The following LTK variants were observed in gnomAD, a reference collection of about 807,000 sequenced individuals.
LTK encodes leukocyte tyrosine kinase receptor.
A neutral mutation model predicts 101.5 loss-of-function variants in LTK; 117 were observed. That is an observed-to-expected ratio of 1.15 (90% CI 0.99 to 1.34). LTK has a LOEUF of 1.34. Ranked by LOEUF, LTK falls within the 40% of genes most tolerant of loss-of-function variation. The pLI, the probability that LTK is intolerant of heterozygous loss-of-function variation, is 0.00. For missense variants in LTK, 1,252 were observed against 1,164.7 expected, an observed-to-expected ratio of 1.07 and a Z score of -1.09; for synonymous variants, 563 against 494.2, an observed-to-expected ratio of 1.14 and a Z score of -1.85.
At chr15:41,513,301 G>A (rs1403889680) in intron 1 of LTK, among the ~76,000 whole-genome samples, 181 bp from the exon 2 acceptor site, 1 of 152,162 alleles carries the variant, frequency 6.6e-6, no homozygotes, top group Non-Finnish European at 1.5e-5. Flanking sequence ...GCGGGTGCGC[G>A]CTGATAGGTC....
At chr15:41,513,187 G>C in intron 1 of LTK, 67 bp from the exon 2 acceptor site, 199 of 1,467,330 alleles carry the variant, frequency 1.4e-4, no homozygotes, top group Non-Finnish European at 1.7e-4. Context: ...AAGAAAGAGA[G>C]AACCCCGCAA....
At chr15:41,510,929 G>A (rs774657916) in intron 7 of LTK, among the ~76,000 whole-genome samples, 1 of 152,218 alleles carries the variant, frequency 6.6e-6, no homozygotes, top group African/African-American at 2.4e-5. Flanking sequence ...GCAGGGACCT[G>A]CTGTGATGGG....
chr15:41,512,623 G>A (rs1292835090), intron 3 of LTK, 84 bp downstream of exon 3: 3 of 1,413,616 alleles, frequency 2.1e-6, no homozygotes, highest in Non-Finnish European at 2.8e-6. Context: ...GACGCAAGTC[G>A]GTGCGCACGT....
chr15:41,513,267 C>T (rs760808686), intron 1 of LTK, 147 bp from the exon 2 acceptor site: 108 of 1,009,562 alleles, frequency 1.1e-4, no homozygotes, highest in Non-Finnish European at 1.4e-4. Context: ...GAAGCCACTA[C>T]CCGACTCCGG....
chr15:41,508,103 G>A lies in LTK; in HGVS notation c.1215C>T (p.Gly405=). 6.2e-7 allele frequency: 1 copy of A among 1,612,578 alleles called. No individual in the cohort carries two copies. Among genetic ancestry groups the A allele is most frequent in the Admixed American group, 1.7e-5 (1 of 59,870 alleles). Residue 405 remains glycine, a synonymous_variant, in exon 9 of 20, where the codon GGC becomes GGT. Transcript: ENST00000263800. ...TGACGTTATCCACAGCTAGCTCCAT[G>A]CCTTCTGGGCACAGGCATTCAGCCA... ...LQLAECLCPE[G]MELAVDNVTC...
chr15:41,507,953 C>T, intron 9 of LTK, 116 bp downstream of exon 9: 1 of 1,131,818 alleles, frequency 8.8e-7, no homozygotes, highest in Non-Finnish European at 1.2e-6. Flanking sequence ...CCCTGCCCAG[C>T]ACCCACCACA....
At position 41,504,976 on chromosome 15, in the gene LTK, A is replaced by G. The variant is rs1456003164; in HGVS notation, c.2014T>C (p.Tyr672His). 9 of 1,610,592 alleles carry G rather than the reference A, an allele frequency of 5.6e-6. No individual in the cohort carries two copies. The highest frequency in any genetic ancestry group is 1.7e-5 in the Admixed American group (1 of 59,592). Residue 672 changes from tyrosine (Y) to histidine (H), a missense_variant, in exon 16 of 20, where the codon TAC (tyrosine) becomes CAC (histidine). Transcript: ENST00000263800. ...IGDFGMARDIYRASYYRRGDR... is the reference protein window; with the variant it reads ...IGDFGMARDIHRASYYRRGDR... ...CCCACCTCCCAAGTCCCGCACCGGT[A>G]GATATCTCGTGCCATCCCAAAGTCC...
chr15:41,513,234 G>A, intron 1 of LTK, 114 bp from the exon 2 acceptor site: 3 of 1,243,994 alleles, frequency 2.4e-6, no homozygotes, highest in Admixed American at 3.4e-5. Flanking sequence ...CCCGTCACCC[G>A]GCCCAGCCGC....
In LTK at chr15:41,504,199, T is replaced by C. The variant is rs2051169083; in HGVS notation, c.2392A>G (p.Thr798Ala). The C allele has an allele frequency of 6.2e-7, 1 of 1,612,256 alleles. No individual in the cohort carries two copies. Among genetic ancestry groups the C allele is most frequent in the South Asian group, 1.1e-5 (1 of 90,998 alleles). Reference protein sequence around the residue: ...NSLLPMELGPTPEEEGTSGLG... With the variant: ...NSLLPMELGPAPEEEGTSGLG... ...CCAGAAGTCCCTTCCTCCTCTGGGG[T>C]GGGCCCCAGCTCCATTGGCAGGAGT... The change falls in exon 20 of 20, where the codon ACC becomes GCC. Residue 798 changes from threonine to alanine, a missense_variant. Transcript: ENST00000263800.
In LTK at chr15:41,507,622, C is replaced by A; in HGVS notation, c.1285G>T (p.Val429Leu). ...AGTGTTGAGGTTGCCACCACAGCCA[C>A]CATCAGAACCAGAGGGCCTGGGGGC... ...HKPPGPLVLM[V>L]AVVATSTLSL... The change falls in exon 10 of 20, where the codon GTG (valine) becomes TTG (leucine). Residue 429 changes from valine to leucine, a missense_variant. Transcript: ENST00000263800. 1 of 1,613,938 alleles carries A rather than the reference C, an allele frequency of 6.2e-7. No homozygotes were observed. The highest frequency in any genetic ancestry group is 8.5e-7 in the Non-Finnish European group (1 of 1,179,970).
Position 41,504,971 on chromosome 15 carries a change from CCGGTAGATATCT to C in LTK, c.2007_2018del (p.Asp670_Arg673del), listed in dbSNP as rs2051211655. 6.2e-7 allele frequency: 1 copy of C among 1,609,280 alleles called. No individual in the cohort carries two copies. Among genetic ancestry groups the C allele is most frequent in the African/African-American group, 1.3e-5 (1 of 74,758 alleles). On this transcript the variant is annotated inframe_deletion and splice_region_variant, in exon 16 of 20. Coordinates refer to ENST00000263800, the MANE Select transcript of LTK (RefSeq NM_002344.6). Reference sequence around the variant, plus strand: ...GCCTTCCCACCTCCCAAGTCCCGCACCGGTAGATATCTCGTGCCATCCCAAAGTCCCCAATCT... The same window carrying C: ...GCCTTCCCACCTCCCAAGTCCCGCACCGTGCCATCCCAAAGTCCCCAATCT...
rs542940768 is a variant in LTK, at chr15:41,513,021, G to A, written c.143C>T (p.Ala48Val). ...SPSPRDPKVS[A>V]PPSILEPASP... ...GGCTGGCTCCAAGATACTAGGCGGG[G>A]CGCTGACTTTCGGGTCCCGGGGGCT... The change falls in exon 2 of 20, where the codon GCC (alanine) becomes GTC (valine). Residue 48 changes from alanine (A) to valine (V), a missense_variant. Ala to Val is a moderately conservative substitution (Grantham distance 64). Transcript: ENST00000263800. 1.5e-5 allele frequency: 25 copies of A among 1,613,016 alleles called. No individual in the cohort carries two copies. In the Admixed American group the frequency reaches 2.2e-4, roughly 14 times the overall value.
In LTK at chr15:41,512,791, C is replaced by T. The variant is rs2140736597; in HGVS notation, c.275G>A (p.Gly92Glu). ...TQTQCDGAYA[G>E]TSVVVTVGAA... Reference sequence around the variant, plus strand: ...CCCCACGGTCACCACCACGCTGGTCCCCGCGTACGCCCCGTCACATTGTGT... The same window carrying T: ...CCCCACGGTCACCACCACGCTGGTCTCCGCGTACGCCCCGTCACATTGTGT... Residue 92 changes from glycine (G) to glutamate (E), a missense_variant, in exon 3 of 20, where the codon GGG becomes GAG. Coordinates refer to ENST00000263800, the MANE Select transcript of LTK (RefSeq NM_002344.6). 6.2e-7 allele frequency: 1 copy of T among 1,612,210 alleles called. No individual in the cohort carries two copies. Among genetic ancestry groups the T allele is most frequent in the African/African-American group, 1.3e-5 (1 of 75,036 alleles).
chr15:41,512,762 C>T lies in LTK; in HGVS notation c.304G>A (p.Ala102Thr), dbSNP rs756641000. ...GTSVVVTVGAAGQLRGVQLWR... is the reference protein window; with the variant it reads ...GTSVVVTVGATGQLRGVQLWR... ...AGCTGCACGCCTCTCAGCTGCCCGG[C>T]GGCCCCCACGGTCACCACCACGCTG... The change falls in exon 3 of 20, where the codon GCC becomes ACC. Residue 102 changes from alanine to threonine, a missense_variant. Transcript: ENST00000263800. 3.1e-6 allele frequency: 5 copies of T among 1,609,498 alleles called. No individual in the cohort carries two copies. The highest frequency in any genetic ancestry group is 4.2e-6 in the Non-Finnish European group (5 of 1,178,792).
Position 41,512,099 on chromosome 15 carries a change from C to A in LTK, c.510+16G>T, listed in dbSNP as rs1295761648. On this transcript the variant is annotated intron_variant, in intron 4 of 19. Coordinates refer to ENST00000263800, the MANE Select transcript of LTK (RefSeq NM_002344.6). ...CCCGGCGCCGGCGCCGCCCCATCCC[C>A]ACTGGCTGCGCTCACTCCGGGACAG... The A allele has an allele frequency of 3.2e-6, 5 of 1,585,170 alleles. No homozygotes were observed. In the African/African-American group the frequency reaches 5.4e-5, roughly 17 times the overall value.
In LTK at chr15:41,511,872, G is replaced by T; in HGVS notation, c.602C>A (p.Ser201Ter). The change falls in exon 5 of 20, where the codon TCG becomes TAG. Residue 201 changes from serine (S) to a stop codon, truncating the protein, a stop_gained. Transcript: ENST00000263800. LOFTEE classifies it high-confidence loss of function. The surrounding 1 kb of genome is among the most constrained non-coding windows in gnomAD (Gnocchi z 5.9). ...AMDGSEGVPGSRRWAGGGGGG... is the reference protein window; with the variant it reads ...AMDGSEGVPG ...CCCGCCACCTCCCGCCCAGCGCCGC[G>T]ACCCCGGGACCCCTTCGCTCCCATC... 1 of 1,255,668 alleles carries T rather than the reference G, an allele frequency of 8.0e-7. No individual in the cohort carries two copies. The allele number at this position is 1,255,668 out of a possible 1,614,324, so 77.8% of individuals were successfully genotyped here.
At chr15:41,508,301 G>T in intron 8 of LTK, 80 bp from the exon 9 acceptor site, 2 of 1,258,150 alleles carry the variant, frequency 1.6e-6, no homozygotes, top group South Asian at 1.4e-5. Flanking sequence ...GGGTACAGTG[G>T]CACACGCCTA....
At chr15:41,512,346 T>C in intron 3 of LTK, 81 bp from the exon 4 acceptor site, 1 of 1,325,664 alleles carries the variant, frequency 7.5e-7, no homozygotes, top group African/African-American at 1.5e-5. Flanking sequence ...CAGAGGAGGC[T>C]CCAGAATTAT....
Position 41,512,912 on chromosome 15 carries a change from C to A in LTK, c.188-34G>T, listed in dbSNP as rs371346518. 10 of 1,607,292 alleles carry A rather than the reference C, an allele frequency of 6.2e-6. No individual in the cohort carries two copies. The Middle Eastern group carries it at 8.3e-4, about 133-fold the overall frequency. On this transcript the variant is annotated intron_variant, in intron 2 of 19. Coordinates refer to ENST00000263800, the MANE Select transcript of LTK (RefSeq NM_002344.6). ...AAGGAGCGAGGCAAGGGTCGTCGAG[C>A]CCCTGGCTGGGCCAGAGGGGTCTGG...
Sources: allele counts gnomAD v4.1 joint callset (sites outside exome capture counted in the v4.1 genomes callset), GRCh38; gene constraint gnomAD v4.1.1; non-coding constraint Gnocchi (gnomAD v3.1); transcripts MANE v1.5; gene names NCBI Gene and HGNC (gene_info 2026-07-23, HGNC 2026-07-21).